Variants in ABCA1 observed in about 807,000 individuals in gnomAD.
The protein encoded by ABCA1 is ATP binding cassette subfamily A member 1, also known as phospholipid-transporting ATPase ABCA1.
In ABCA1, 133 loss-of-function variants were observed where a neutral mutation model predicts 262.5. The ratio of observed to expected loss-of-function variants is 0.51; its 90% CI spans 0.44 to 0.59. The LOEUF (loss-of-function observed/expected upper bound fraction) is 0.59, where lower values mean the gene tolerates loss of function less well. ABCA1 is among the 20% of genes least tolerant of loss of function. The pLI, the probability that ABCA1 is intolerant of heterozygous loss-of-function variation, is 0.00. For synonymous variants in ABCA1, 1,022 were observed against 1,043.5 expected (o/e 0.98, Z 0.40); for missense variants, 2,452 against 2,777.5 (o/e 0.88, Z 2.63).
intron 2 of ABCA1, among the ~76,000 whole-genome samples, chr9:104,900,123 A>AT (rs1242867557): frequency 6.6e-6 from 1 of 152,220 alleles, no homozygotes; most frequent in African/African-American, 2.4e-5. Context: ...AGGACACAGA[A>AT]TGAAAAGGCA....
intron 2 of ABCA1, among the ~76,000 whole-genome samples, chr9:104,893,149 G>C: frequency 6.6e-6 from 1 of 152,162 alleles, no homozygotes; most frequent in East Asian, 1.9e-4. Flanking sequence ...GAGGCCGGGC[G>C]TGGTGGCTCA....
In ABCA1 at chr9:104,825,875, G is replaced by C. The variant is rs1380169374; in HGVS notation, c.2350C>G (p.Pro784Ala). The C allele has an allele frequency of 1.2e-6, 2 of 1,614,006 alleles. No individual in the cohort carries two copies. The highest frequency in any genetic ancestry group is 2.2e-5 in the East Asian group (1 of 44,880). ...TCACAGCCAAACCCAAAAGCCACAG[G>C]AGACAGCAGGCTCTGTGAGAAACAG... ...TLKIFASLLS[P>A]VAFGFGCEYF... The change falls in exon 17 of 50, where the codon CCT (proline) becomes GCT (alanine). Residue 784 changes from proline (P) to alanine (A), a missense_variant. By Grantham distance (27) the Pro-to-Ala change is conservative. Around this residue, in one of 4 missense-constraint regions of ABCA1, gnomAD observed 1,032 missense variants for 1,089.7 expected, o/e 0.95. Transcript: ENST00000374736.
In ABCA1 at chr9:104,782,278, A is replaced by G. The variant is rs1368218382; in HGVS notation, c.*2037T>C. 1 of 152,140 alleles carries G rather than the reference A, an allele frequency of 6.6e-6. No homozygotes were observed. 9.4% of individuals were successfully genotyped at this position (152,140 alleles called of 1,614,324 possible). A position where few individuals can be genotyped will look rare whatever the true frequency, so the allele number is the denominator to read the frequency against. On this transcript the variant is annotated 3_prime_UTR_variant, in exon 50 of 50. Transcript: ENST00000374736. The stretch of plus-strand genomic sequence containing the variant: ...TATGCCTTCATTACTTATATTTAAA[A>G]TCAATATTGACTTTAACTTCTAAAA...
intron 23 of ABCA1, among the ~76,000 whole-genome samples, chr9:104,818,457 C>T (rs140198374): frequency 2.3e-4 from 35 of 152,216 alleles, no homozygotes; most frequent in African/African-American, 5.3e-4. Context: ...AAAAGGAAAA[C>T]GGGATTCAAC....
rs1213172802 is a variant in ABCA1, at chr9:104,831,800, T to G, written c.1537A>C (p.Ile513Leu). 1 of 1,614,214 alleles carries G rather than the reference T, an allele frequency of 6.2e-7. No individual in the cohort carries two copies. Residue 513 changes from isoleucine to leucine, a missense_variant, in exon 13 of 50, where the codon ATA becomes CTA. Ile to Leu is a conservative substitution (Grantham distance 5). Around this residue, in one of 4 missense-constraint regions of ABCA1, gnomAD observed 1,032 missense variants for 1,089.7 expected, o/e 0.95. Transcript: ENST00000374736. ...ECVNLNKLEP[I>L]ATEVWLINKS... ...TTGATGAGCCAGACTTCTGTTGCTA[T>G]GGGTTCTAGCTTGTTCAGGTTGACA...
intron 5 of ABCA1, among the ~76,000 whole-genome samples, chr9:104,879,017 G>C (rs1838389006): frequency 6.6e-6 from 1 of 151,856 alleles, no homozygotes; most frequent in Non-Finnish European, 1.5e-5. Context: ...AGAGGCTGCA[G>C]TGAGCCAAGA....
intron 25 of ABCA1, among the ~76,000 whole-genome samples, chr9:104,815,826 T>C (rs1831702250): frequency 6.6e-6 from 1 of 152,192 alleles, no homozygotes; most frequent in Non-Finnish European, 1.5e-5. Context: ...TTCCTCACAC[T>C]GTACTTAAGT....
intron 3 of ABCA1, 125 bp from the exon 4 acceptor site, chr9:104,884,693 C>T: frequency 1.8e-6 from 2 of 1,119,516 alleles, no homozygotes; most frequent in South Asian, 1.3e-5. Flanking sequence ...TCCCAGAGAC[C>T]TGTCTCTTCT....
chr9:104,812,831 G>C, intron 27 of ABCA1, 109 bp from the exon 28 acceptor site: 2 of 1,425,824 alleles, frequency 1.4e-6, no homozygotes. Context: ...TGTGTCTGAA[G>C]CTAGAAGTTT....
chr9:104,799,886 G>A lies in ABCA1; in HGVS notation c.4876C>T (p.His1626Tyr), dbSNP rs1420814443. 2 of 1,614,056 alleles carry A rather than the reference G, an allele frequency of 1.2e-6. No homozygotes were observed. Among genetic ancestry groups the A allele is most frequent in the Non-Finnish European group, 1.7e-6 (2 of 1,180,048 alleles). ...ANLQKGENPS[H>Y]YGITAFNHPL... The stretch of plus-strand genomic sequence containing the variant: ...TGATTGAAAGCAGTAATTCCATAAT[G>A]GCTAGGGTTCTCTCCCTTTTGCAGG... Residue 1626 changes from histidine (H) to tyrosine (Y), a missense_variant, in exon 36 of 50, where the codon CAT becomes TAT. Transcript: ENST00000374736.
chr9:104,837,649 T>C, intron 9 of ABCA1, 82 bp from the exon 10 acceptor site: 2 of 1,548,878 alleles, frequency 1.3e-6, no homozygotes, highest in Admixed American at 1.7e-5. Context: ...AGCCAGAGAG[T>C]TCTTAGTTGA....
chr9:104,830,249 G>A (rs1588331004), intron 14 of ABCA1, among the ~76,000 whole-genome samples: 1 of 152,232 alleles, frequency 6.6e-6, no homozygotes. Context: ...GGGAGAAGAA[G>A]TGCACACATT....
In ABCA1 at chr9:104,817,256, C is replaced by G; in HGVS notation, c.3535+76G>C. ...GTCAGCGCCACCAGCCTCTGCACCT[C>G]TCCTCCTCTGCCTCCACTCTGCCCA... is the stretch of plus-strand genomic sequence containing the variant. On this transcript the variant is annotated intron_variant, in intron 24 of 49. Coordinates refer to ENST00000374736, the MANE Select transcript of ABCA1 (RefSeq NM_005502.4). This position sits in a 1 kb window ranked among gnomAD's most constrained non-coding sequence, Gnocchi z 4.7. The G allele has an allele frequency of 1.2e-6, 2 of 1,612,398 alleles. No homozygotes were observed. Among genetic ancestry groups the G allele is most frequent in the Non-Finnish European group, 1.7e-6 (2 of 1,179,454 alleles).
At chr9:104,819,236 G>A (rs1427249383) in intron 22 of ABCA1, among the ~76,000 whole-genome samples, 1 of 152,122 alleles carries the variant, frequency 6.6e-6, no homozygotes, top group Non-Finnish European at 1.5e-5. Flanking sequence ...AATGTCTCAG[G>A]GCCAGCCAGA....
chr9:104,874,575 A>G (rs750164915), intron 5 of ABCA1, among the ~76,000 whole-genome samples: 2 of 152,060 alleles, frequency 1.3e-5, no homozygotes, highest in Non-Finnish European at 2.9e-5. Flanking sequence ...GTCTCAAAAC[A>G]AAAACAAAAA....
In ABCA1 at chr9:104,817,943, T is replaced by A. The variant is rs1831927989; in HGVS notation, c.3463-539A>T. Among the ~76,000 whole-genome samples the A allele has an allele frequency of 6.6e-6, 1 of 152,116 alleles. No individual in the cohort carries two copies. The highest frequency in any genetic ancestry group is 6.5e-5 in the Admixed American group (1 of 15,282). Reference sequence around the variant, plus strand: ...AGTTTCAGGTTGGGATGTAAATACATTAGGTACCACTGGCTTCAACACACA... The same window carrying A: ...AGTTTCAGGTTGGGATGTAAATACAATAGGTACCACTGGCTTCAACACACA... On this transcript the variant is annotated intron_variant, in intron 23 of 49. Transcript: ENST00000374736. The surrounding 1 kb of genome is among the most constrained non-coding windows in gnomAD (Gnocchi z 4.7).
At chr9:104,856,154 A>G in intron 7 of ABCA1, 1 of 1,493,678 alleles carries the variant, frequency 6.7e-7, no homozygotes. Flanking sequence ...ATGCAAATCA[A>G]GTATCAGTCC....
At chr9:104,877,430 A>G (rs1838253630) in intron 5 of ABCA1, among the ~76,000 whole-genome samples, 2 of 152,268 alleles carry the variant, frequency 1.3e-5, no homozygotes, top group Non-Finnish European at 2.9e-5. Flanking sequence ...ATAGTCTAGC[A>G]GACAGCCCAC....
chr9:104,867,868 G>C (rs552469761), intron 5 of ABCA1, among the ~76,000 whole-genome samples: 5 of 152,260 alleles, frequency 3.3e-5, no homozygotes, highest in African/African-American at 9.6e-5. Flanking sequence ...GAGTTAATGC[G>C]GACCTGGATT....
Sources: allele counts gnomAD v4.1 joint callset (sites outside exome capture counted in the v4.1 genomes callset), GRCh38; gene constraint gnomAD v4.1.1; regional missense constraint gnomAD v4.1.1; non-coding constraint Gnocchi (gnomAD v3.1); transcripts MANE v1.5; gene names NCBI Gene and HGNC (gene_info 2026-07-23, HGNC 2026-07-21).